The following C16orf96 variants were observed in gnomAD, a reference collection of about 807,000 sequenced individuals.
C16orf96 encodes the protein chromosome 16 open reading frame 96.
A neutral mutation model predicts 103.6 loss-of-function variants in C16orf96; 108 were observed. The ratio of observed to expected loss-of-function variants is 1.04; its 90% CI spans 0.89 to 1.22. The LOEUF (loss-of-function observed/expected upper bound fraction) is 1.22. Among genes scored for constraint, C16orf96 ranks in the 50% most tolerant of loss-of-function variants. The probability of loss-of-function intolerance (pLI) is 0.00; values close to 1 mark genes in which losing one functional copy is unlikely to be tolerated. For synonymous variants in C16orf96, 566 were observed against 593.5 expected (o/e 0.95, Z 0.67); for missense variants, 1,586 against 1,464.2 (o/e 1.08, Z -1.36).
chr16:4,593,453 A>C lies in C16orf96; in HGVS notation c.2867+137A>C. The stretch of plus-strand genomic sequence containing the variant: ...GTCCTGGACATGGCCAGCCCTTCGC[A>C]AGACAGGCACTCCGAGAGGTGGCTG... On this transcript the variant is annotated intron_variant, in intron 12 of 15. Coordinates refer to ENST00000444310, the MANE Select transcript of C16orf96 (RefSeq NM_001145011.2). The surrounding 1 kb of genome is among the most constrained non-coding windows in gnomAD (Gnocchi z 4.2). 1.3e-6 allele frequency: 1 copy of C among 785,112 alleles called. No individual in the cohort carries two copies. The highest frequency in any genetic ancestry group is 2.0e-6 in the Non-Finnish European group (1 of 491,270). The allele number at this position is 785,112 out of a possible 1,614,324, so 48.6% of individuals were successfully genotyped here.
chr16:4,584,680 G>A (rs558793315), intron 7 of C16orf96, among the ~76,000 whole-genome samples: 16 of 152,122 alleles, frequency 1.1e-4, no homozygotes, highest in South Asian at 6.2e-4. Context: ...GGTAACAGGC[G>A]TTTGCCACCA....
At chr16:4,557,860 G>C (rs187747354) in intron 1 of C16orf96, among the ~76,000 whole-genome samples, 5 of 152,190 alleles carry the variant, frequency 3.3e-5, no homozygotes, top group Non-Finnish European at 7.4e-5. Flanking sequence ...TGTAGAGATA[G>C]GGTCTCCTTA....
chr16:4,551,425 AT>A (rs1337170314), upstream of C16orf96, among the ~76,000 whole-genome samples: 1 of 151,926 alleles, frequency 6.6e-6, no homozygotes, highest in African/African-American at 2.4e-5. Context: ...AACACCTAAG[AT>A]TTGTTTACTC....
At chr16:4,566,435 G>A (rs926685711) in intron 1 of C16orf96, among the ~76,000 whole-genome samples, 1 of 152,134 alleles carries the variant, frequency 6.6e-6, no homozygotes, top group Non-Finnish European at 1.5e-5. Context: ...GAATGATGTT[G>A]AGCATCTTTT....
chr16:4,557,000 C>T (rs925433119), intron 1 of C16orf96, 91 bp downstream of exon 1: 27 of 1,368,116 alleles, frequency 2.0e-5, no homozygotes, highest in African/African-American at 1.9e-4. Context: ...GACTCCGTCT[C>T]GCTCTGTCAC....
chr16:4,568,693 A>G (rs1348961238), intron 1 of C16orf96, among the ~76,000 whole-genome samples: 5 of 149,684 alleles, frequency 3.3e-5, no homozygotes, highest in East Asian at 2.0e-4. Flanking sequence ...CAGTAGTGCA[A>G]TCACAGCTCA....
rs376409573 is a variant in C16orf96, at chr16:4,571,602, A to G, written c.462A>G (p.Ala154=). The change falls in exon 2 of 16, where the codon GCA becomes GCG. Residue 154 remains alanine, a synonymous_variant. Coordinates refer to ENST00000444310, the MANE Select transcript of C16orf96 (RefSeq NM_001145011.2). ...AGGACTTGCTCACTGATCTTCATGC[A>G]CTCCAGGTCACCATCACAGCCCTCA... ...TLQDLLTDLH[A]LQVTITALRK... 4 of 1,552,098 alleles carry G rather than the reference A, an allele frequency of 2.6e-6. No individual in the cohort carries two copies. The highest frequency in any genetic ancestry group is 2.6e-6 in the Non-Finnish European group (3 of 1,147,086).
intron 1 of C16orf96, among the ~76,000 whole-genome samples, chr16:4,559,807 G>A (rs192400373): frequency 1.4e-3 from 216 of 152,114 alleles, no homozygotes; most frequent in Admixed American, 2.3e-3. Flanking sequence ...TCTGTCTTAC[G>A]GATTTGCCTA....
intron 1 of C16orf96, among the ~76,000 whole-genome samples, chr16:4,563,679 C>T (rs1428261822): frequency 6.6e-6 from 1 of 152,050 alleles, no homozygotes; most frequent in Non-Finnish European, 1.5e-5. Flanking sequence ...AGCGATTCTC[C>T]TGCTTCAGCT....
rs994269199 is a variant in C16orf96, at chr16:4,591,786, T to C, written c.2711+2T>C. The C allele has an allele frequency of 5.3e-5, 82 of 1,537,212 alleles. No individual in the cohort carries two copies. Among genetic ancestry groups the C allele is most frequent in the Non-Finnish European group, 7.0e-5 (80 of 1,141,122 alleles). ...TGACAGTGCTGCTGGCTTTAGGAGG[T>C]GAGTGCCCGCCCGAGCCCCTCCTGG... is the stretch of plus-strand genomic sequence containing the variant. On this transcript the variant is annotated splice_donor_variant, in intron 10 of 15. Transcript: ENST00000444310. LOFTEE classifies it high-confidence loss of function.
At chr16:4,564,740 G>C (rs2059369401) in intron 1 of C16orf96, among the ~76,000 whole-genome samples, 1 of 152,160 alleles carries the variant, frequency 6.6e-6, no homozygotes, top group South Asian at 2.1e-4. Context: ...GAACCCGAGA[G>C]GTGGAGATTT....
intron 7 of C16orf96, among the ~76,000 whole-genome samples, chr16:4,583,343 TA>T (rs948052306): frequency 2.0e-5 from 3 of 149,490 alleles, no homozygotes; most frequent in East Asian, 2.0e-4. Context: ...GCTAAAAAAA[TA>T]AAAATAAAAA....
intron 5 of C16orf96, 150 bp from the exon 6 acceptor site, chr16:4,578,790 T>G: frequency 2.2e-6 from 1 of 455,544 alleles, no homozygotes; most frequent in Non-Finnish European, 4.0e-6. Context: ...AATGAAGAAA[T>G]AAATAAAAAG....
intron 7 of C16orf96, 40 bp from the exon 8 acceptor site, chr16:4,586,999 C>T (rs1443703336): frequency 6.6e-7 from 1 of 1,523,584 alleles, no homozygotes; most frequent in Non-Finnish European, 8.9e-7. Context: ...ATCCTCAAGG[C>T]TCTCCAGGAT....
chr16:4,586,693 G>A (rs1284864044), intron 7 of C16orf96, among the ~76,000 whole-genome samples: 1 of 152,202 alleles, frequency 6.6e-6, no homozygotes, highest in African/African-American at 2.4e-5. Context: ...TTCCTGCTGG[G>A]ACCCCAGGAC....
chr16:4,563,814 C>T (rs2059358581), intron 1 of C16orf96, among the ~76,000 whole-genome samples: 1 of 149,958 alleles, frequency 6.7e-6, no homozygotes. Context: ...GGTGATCCAC[C>T]CGCCTGGGCC....
Position 4,556,558 on chromosome 16 carries a change from C to T in C16orf96, c.69C>T (p.Phe23=). Residue 23 remains phenylalanine (F), a synonymous_variant, in exon 1 of 16, where the codon TTC becomes TTT. Coordinates refer to ENST00000444310, the MANE Select transcript of C16orf96 (RefSeq NM_001145011.2). ...TCCCACAGTGCGGGGTGCTGAACTT[C>T]AAGGCCCTGCACCTCCTGCTGCACG... ...IAIPQCGVLN[F]KALHLLLHGI... is the part of the protein sequence containing the mutation. 6.4e-7 allele frequency: 1 copy of T among 1,551,508 alleles called. No homozygotes were observed. The highest frequency in any genetic ancestry group is 1.2e-5 in the South Asian group (1 of 84,046).
chr16:4,571,772 C>T (rs2059441203), intron 2 of C16orf96, 107 bp downstream of exon 2: 1 of 980,094 alleles, frequency 1.0e-6, no homozygotes, highest in Admixed American at 2.3e-5. Context: ...AAGAGTGCAG[C>T]TGTGAGGGTG....
intron 6 of C16orf96, among the ~76,000 whole-genome samples, chr16:4,579,553 C>CA (rs535480439): frequency 2.1e-4 from 11 of 51,858 alleles, no homozygotes; most frequent in African/African-American, 7.1e-4. Context: ...GGCCCTGTCT[C>CA]AAAAAAAAAA....
Sources: gnomAD v4.1 joint callset for allele counts (sites outside exome capture counted in the v4.1 genomes callset) on GRCh38, gnomAD v4.1.1 for gene constraint, Gnocchi (gnomAD v3.1) non-coding constraint, MANE v1.5 for transcripts, NCBI Gene and HGNC (gene_info 2026-07-23, HGNC 2026-07-21) for gene names.